The following AGBL1 variants were observed in gnomAD, a reference collection of about 807,000 sequenced individuals.
AGBL1 encodes the protein AGBL carboxypeptidase 1.
In AGBL1, 130 loss-of-function variants were observed where a neutral mutation model predicts 118.9. The observed-to-expected ratio is 1.09, with a 90% confidence interval of 0.95 to 1.26. The LOEUF (loss-of-function observed/expected upper bound fraction) is 1.26, where lower values mean the gene tolerates loss of function less well. Among genes scored for constraint, AGBL1 ranks in the 50% most tolerant of loss-of-function variants. The pLI is 0.00. For missense variants in AGBL1, 1,584 were observed against 1,298.1 expected, an observed-to-expected ratio of 1.22 and a Z score of -3.38; for synonymous variants, 555 against 478.9, an observed-to-expected ratio of 1.16 and a Z score of -2.08.
chr15:86,081,496 A>T (rs1289793818), intron 1 of AGBL1, among the ~76,000 whole-genome samples: 3 of 152,210 alleles, frequency 2.0e-5, no homozygotes, highest in Non-Finnish European at 4.4e-5. Context: ...GGCCTTCAAT[A>T]TTCAGTTGAC....
intron 19 of AGBL1, among the ~76,000 whole-genome samples, chr15:86,539,390 C>T (rs2083465279): frequency 6.6e-6 from 1 of 152,160 alleles, no homozygotes; most frequent in South Asian, 2.1e-4. Flanking sequence ...TCTTTATATA[C>T]TTATATCTGG....
chr15:86,202,499 C>G (rs944837959), intron 5 of AGBL1, among the ~76,000 whole-genome samples: 2 of 152,110 alleles, frequency 1.3e-5, no homozygotes, highest in Non-Finnish European at 2.9e-5. Context: ...TAAAATGAGA[C>G]AGCCTCAGAT....
rs1388905573 is a variant in AGBL1, at chr15:86,914,032, CA to C, written c.*6739del. The C allele has an allele frequency of 6.6e-6, 1 of 152,226 alleles. No individual in the cohort carries two copies. The highest frequency in any genetic ancestry group is 1.9e-4 in the East Asian group (1 of 5,180). 9.4% of individuals were successfully genotyped at this position (152,226 alleles called of 1,614,324 possible). A position where few individuals can be genotyped will look rare whatever the true frequency, so the allele number is the denominator to read the frequency against. Reference sequence around the variant, plus strand: ...CCTGGCAAAATAAGTAACACTTAAGCATAATTATTTGGAGCTATTCAGTTAA... The same window carrying C: ...CCTGGCAAAATAAGTAACACTTAAGCTAATTATTTGGAGCTATTCAGTTAA... On this transcript the variant is annotated 3_prime_UTR_variant, in exon 23 of 23. Coordinates refer to ENST00000614907, the MANE Select transcript of AGBL1 (RefSeq NM_001386094.1).
At chr15:86,353,906 T>C (rs2080670347) in intron 17 of AGBL1, among the ~76,000 whole-genome samples, 1 of 152,218 alleles carries the variant, frequency 6.6e-6, no homozygotes, top group African/African-American at 2.4e-5. Context: ...GGTGTGGTTA[T>C]AATAAACTTG....
At chr15:86,512,899 A>G (rs2083070613) in intron 18 of AGBL1, among the ~76,000 whole-genome samples, 2 of 150,856 alleles carry the variant, frequency 1.3e-5, no homozygotes, top group South Asian at 4.2e-4. Flanking sequence ...GAGTTTTTCC[A>G]GTTATTATTT....
At chr15:86,960,200 G>T (rs1014672315) in intron 23 of AGBL1, among the ~76,000 whole-genome samples, 2 of 152,062 alleles carry the variant, frequency 1.3e-5, no homozygotes, top group South Asian at 4.1e-4. Context: ...GTAGACACAG[G>T]ATTGGAGTTG....
chr15:86,088,563 C>A (rs1329845124), intron 1 of AGBL1, among the ~76,000 whole-genome samples: 1 of 152,172 alleles, frequency 6.6e-6, no homozygotes, highest in Non-Finnish European at 1.5e-5. Context: ...GGTCTGCATT[C>A]AACAGCACTA....
chr15:86,706,022 CA>C (rs1357679024), intron 22 of AGBL1, among the ~76,000 whole-genome samples: 1 of 151,922 alleles, frequency 6.6e-6, no homozygotes, highest in Non-Finnish European at 1.5e-5. Flanking sequence ...TGCAATAATT[CA>C]AGACATGAGA....
chr15:86,266,540 A>G, intron 12 of AGBL1, 83 bp downstream of exon 12: 1 of 934,246 alleles, frequency 1.1e-6, no homozygotes, highest in Admixed American at 2.7e-5. Context: ...TCCTGTTAAT[A>G]ATCCACTCCT....
At chr15:86,589,524 T>C (rs2084303524) in intron 21 of AGBL1, among the ~76,000 whole-genome samples, 1 of 152,198 alleles carries the variant, frequency 6.6e-6, no homozygotes, top group South Asian at 2.1e-4. Flanking sequence ...TAATTACTTA[T>C]AAACTTTGGG....
chr15:86,998,852 C>A (rs2081404942), intron 24 of AGBL1, among the ~76,000 whole-genome samples: 1 of 151,358 alleles, frequency 6.6e-6, no homozygotes, highest in Non-Finnish European at 1.5e-5. Flanking sequence ...TTTATTTTTT[C>A]TTTTATATAT....
intron 23 of AGBL1, among the ~76,000 whole-genome samples, chr15:86,965,996 G>GCAT (rs1005760739): frequency 2.6e-5 from 4 of 151,970 alleles, no homozygotes; most frequent in Non-Finnish European, 4.4e-5. Context: ...AGAACTTAAA[G>GCAT]CATCATCATC....
At chr15:86,994,474 ACTCT>A (rs566225312) in intron 24 of AGBL1, among the ~76,000 whole-genome samples, 2 of 151,836 alleles carry the variant, frequency 1.3e-5, no homozygotes, top group Admixed American at 6.6e-5. Context: ...TAACTAAAAG[ACTCT>A]CTACCATACC....
At chr15:86,283,902 T>C (rs1383587617) in intron 16 of AGBL1, among the ~76,000 whole-genome samples, 1 of 152,056 alleles carries the variant, frequency 6.6e-6, no homozygotes, top group East Asian at 1.9e-4. Flanking sequence ...TAGATTTTAG[T>C]CTAGGTGTTG....
chr15:86,794,857 G>C (rs2078546883), intron 22 of AGBL1, among the ~76,000 whole-genome samples: 2 of 152,154 alleles, frequency 1.3e-5, no homozygotes, highest in Non-Finnish European at 1.5e-5. Context: ...CAATGGAACT[G>C]CTAGTTTTAT....
chr15:86,210,824 G>C (rs76141951), intron 5 of AGBL1, among the ~76,000 whole-genome samples: 3,473 of 152,218 alleles, frequency 0.023, 66 homozygotes, highest in Non-Finnish European at 0.031. Flanking sequence ...CTGTGAGCTC[G>C]TCAGTGTCAT....
At chr15:86,724,791 A>C (rs2086794616) in intron 22 of AGBL1, among the ~76,000 whole-genome samples, 1 of 152,036 alleles carries the variant, frequency 6.6e-6, no homozygotes, top group Non-Finnish European at 1.5e-5. Flanking sequence ...CGGTTGTTTA[A>C]AAGTGTGTGG....
At chr15:86,840,592 T>G (rs2079231107) in intron 22 of AGBL1, among the ~76,000 whole-genome samples, 1 of 152,058 alleles carries the variant, frequency 6.6e-6, no homozygotes, top group African/African-American at 2.4e-5. Flanking sequence ...ATTACAGGCG[T>G]GTACTACCAT....
intron 23 of AGBL1, among the ~76,000 whole-genome samples, chr15:86,985,964 C>T (rs2081278449): frequency 1.3e-5 from 2 of 151,432 alleles, no homozygotes; most frequent in South Asian, 4.2e-4. Context: ...CCCTCTTTCG[C>T]CTAGGCTGGA....
Sources: gnomAD v4.1 joint callset for allele counts (sites outside exome capture counted in the v4.1 genomes callset) on GRCh38, gnomAD v4.1.1 for gene constraint, MANE v1.5 for transcripts, NCBI Gene and HGNC (gene_info 2026-07-23, HGNC 2026-07-21) for gene names.